OSBPL10: variants seen among roughly 807,000 people sequenced by gnomAD.
OSBPL10 encodes oxysterol binding protein like 10.
A neutral mutation model predicts 81.7 loss-of-function variants in OSBPL10; 49 were observed. That is an observed-to-expected ratio of 0.60 (90% CI 0.48 to 0.76). OSBPL10 has a LOEUF of 0.76. OSBPL10 is among the 30% of genes least tolerant of loss of function. The pLI is 0.00. For missense variants in OSBPL10, 923 were observed against 987.8 expected (o/e 0.93, Z 0.88); for synonymous variants, 419 against 383.6 (o/e 1.09, Z -1.08).
intron 2 of OSBPL10, among the ~76,000 whole-genome samples, chr3:32,002,089 T>C (rs1699154856): frequency 6.6e-6 from 1 of 152,196 alleles, no homozygotes; most frequent in Non-Finnish European, 1.5e-5. Flanking sequence ...GTTGGCTAGG[T>C]CCTAGGTATA....
intron 4 of OSBPL10, among the ~76,000 whole-genome samples, chr3:31,778,826 G>C (rs558320233): frequency 2.6e-5 from 4 of 152,092 alleles, no homozygotes; most frequent in African/African-American, 9.7e-5. Context: ...AAAGCATCAG[G>C]TAACCTATAA....
intron 4 of OSBPL10, among the ~76,000 whole-genome samples, chr3:31,781,382 A>C (rs553635710): frequency 6.6e-6 from 1 of 152,196 alleles, no homozygotes; most frequent in Non-Finnish European, 1.5e-5. Context: ...AGTTGAAAGC[A>C]TTCCCCCTGA....
At chr3:31,970,077 T>C (rs1418566784) in intron 1 of OSBPL10, among the ~76,000 whole-genome samples, 1 of 152,110 alleles carries the variant, frequency 6.6e-6, no homozygotes, top group African/African-American at 2.4e-5. Context: ...AAACACACTT[T>C]GAAGTCCGAA....
chr3:32,023,293 C>G (rs568642495), intron 2 of OSBPL10, among the ~76,000 whole-genome samples: 3 of 152,282 alleles, frequency 2.0e-5, no homozygotes, highest in Admixed American at 2.0e-4. Flanking sequence ...ATAAGTCTCA[C>G]AGGATCTCAT....
At chr3:31,750,842 A>T (rs1697692608) in intron 4 of OSBPL10, among the ~76,000 whole-genome samples, 1 of 152,206 alleles carries the variant, frequency 6.6e-6, no homozygotes, top group Non-Finnish European at 1.5e-5. Context: ...TTTCTAATCA[A>T]CAAAAAGAAC....
intron 4 of OSBPL10, among the ~76,000 whole-genome samples, chr3:31,767,398 G>C (rs1698233415): frequency 6.6e-6 from 1 of 152,146 alleles, no homozygotes; most frequent in Non-Finnish European, 1.5e-5. Context: ...TTTGTATCTT[G>C]TCCCTGCCTC....
chr3:31,821,903 A>C (rs1699989130), intron 4 of OSBPL10, among the ~76,000 whole-genome samples: 1 of 152,230 alleles, frequency 6.6e-6, no homozygotes, highest in Non-Finnish European at 1.5e-5. Context: ...AAGGCTGTAC[A>C]TGAATTTCTA....
At chr3:31,989,802 T>C in intron 2 of OSBPL10, 7 of 1,614,074 alleles carry the variant, frequency 4.3e-6, no homozygotes, top group Non-Finnish European at 5.9e-6. Context: ...CCTTTAATTG[T>C]AGCTCACTCT....
chr3:31,816,293 T>C (rs566148044), intron 4 of OSBPL10, among the ~76,000 whole-genome samples: 1 of 152,218 alleles, frequency 6.6e-6, no homozygotes, highest in African/African-American at 2.4e-5. Context: ...ACCGCCTAGA[T>C]CATCAAGGCC....
intron 2 of OSBPL10, among the ~76,000 whole-genome samples, chr3:31,997,613 C>T (rs1699102825): frequency 6.6e-6 from 1 of 151,502 alleles, no homozygotes; most frequent in Non-Finnish European, 1.5e-5. Flanking sequence ...AAATGACAAG[C>T]AGAAGAAGGA....
chr3:31,678,296 G>C (rs992643358), intron 8 of OSBPL10, among the ~76,000 whole-genome samples: 1 of 152,168 alleles, frequency 6.6e-6, no homozygotes, highest in Non-Finnish European at 1.5e-5. Context: ...GGACAAGGGT[G>C]CAGGGAAGCA....
chr3:31,879,997 G>C (rs557404594), intron 1 of OSBPL10, among the ~76,000 whole-genome samples, 167 bp from the exon 2 acceptor site: 1 of 152,318 alleles, frequency 6.6e-6, no homozygotes, highest in African/African-American at 2.4e-5. Context: ...TGAGTAGGGA[G>C]AGAGCACTGG....
chr3:31,984,740 C>G (rs968456003), upstream of OSBPL10, among the ~76,000 whole-genome samples: 1 of 152,098 alleles, frequency 6.6e-6, no homozygotes, highest in East Asian at 1.9e-4. Context: ...GTTTGGTGTT[C>G]AAACAAGGAG....
intron 1 of OSBPL10, among the ~76,000 whole-genome samples, chr3:31,977,154 T>A (rs1335936236): frequency 6.6e-6 from 1 of 151,938 alleles, no homozygotes; most frequent in Admixed American, 6.6e-5. Flanking sequence ...CCTGTGATCC[T>A]CATCTCCACA....
chr3:31,855,892 A>C (rs1009341169), intron 3 of OSBPL10, among the ~76,000 whole-genome samples: 3 of 151,988 alleles, frequency 2.0e-5, no homozygotes, highest in African/African-American at 7.2e-5. Context: ...ATCACCCCAC[A>C]AGGTTCTAGG....
chr3:31,970,602 T>C (rs1369776068), intron 1 of OSBPL10, among the ~76,000 whole-genome samples: 1 of 152,218 alleles, frequency 6.6e-6, no homozygotes, highest in Non-Finnish European at 1.5e-5. Context: ...CTGGGGTCTA[T>C]AGCTACAGGA....
intron 1 of OSBPL10, chr3:31,919,648 A>G (rs1437807787): frequency 6.6e-6 from 1 of 152,166 alleles, no homozygotes; most frequent in African/African-American, 2.4e-5. Context: ...CTTTCACCCA[A>G]TCATATCACC....
rs894695812 is a variant in OSBPL10, at chr3:31,805,591, T to C, written c.729+24449A>G. On this transcript the variant is annotated intron_variant, in intron 4 of 11. Transcript: ENST00000396556. ...CACGCACTACTAACAAATTGAGCATTCTTGCTCTCATAGGTAAGACATAAA... is the reference window on the plus strand; with the variant it reads ...CACGCACTACTAACAAATTGAGCATCCTTGCTCTCATAGGTAAGACATAAA... Among the ~76,000 whole-genome samples the C allele has an allele frequency of 4.6e-5, 7 of 152,346 alleles. No homozygotes were observed. The East Asian group carries it at 1.2e-3, about 25-fold the overall frequency.
At position 31,835,954 on chromosome 3, in the gene OSBPL10, G is replaced by T. The variant is rs369060907; in HGVS notation, c.538-5723C>A. ...ATAAAATGTGAACTGCTTTTTAAAT[G>T]AATCTATTCCAGTATTTTGCTTAAT... On this transcript the variant is annotated intron_variant, in intron 3 of 11. Coordinates refer to ENST00000396556, the MANE Select transcript of OSBPL10 (RefSeq NM_017784.5). Among the ~76,000 whole-genome samples the T allele has an allele frequency of 2.6e-5, 4 of 152,180 alleles. No individual in the cohort carries two copies. In the East Asian group the frequency reaches 5.8e-4, roughly 22 times the overall value.
Sources: gnomAD v4.1 joint callset for allele counts (sites outside exome capture counted in the v4.1 genomes callset) on GRCh38, gnomAD v4.1.1 for gene constraint, MANE v1.5 for transcripts, NCBI Gene and HGNC (gene_info 2026-07-23, HGNC 2026-07-21) for gene names.